Variants in APBA2 observed in about 807,000 individuals in gnomAD.
APBA2 encodes the protein amyloid beta precursor protein binding family A member 2, also known as amyloid-beta A4 precursor protein-binding family A member 2.
In APBA2, 30 loss-of-function variants were observed where a neutral mutation model predicts 75.0. The ratio of observed to expected loss-of-function variants is 0.40; its 90% CI spans 0.30 to 0.54. The LOEUF (loss-of-function observed/expected upper bound fraction) is 0.54. Ranked by LOEUF, APBA2 falls within the 20% of genes least tolerant of loss-of-function variation. The probability of loss-of-function intolerance (pLI) is 0.49; values close to 1 mark genes in which losing one functional copy is unlikely to be tolerated. For synonymous variants in APBA2, 444 were observed against 409.6 expected (o/e 1.08, Z -1.01); for missense variants, 801 against 1,016.1 (o/e 0.79, Z 2.88).
intron 2 of APBA2, among the ~76,000 whole-genome samples, chr15:28,971,095 A>G (rs1344491997): frequency 6.6e-6 from 1 of 152,072 alleles, no homozygotes; most frequent in East Asian, 1.9e-4. Flanking sequence ...TTTTCATTTC[A>G]TTTTATGTCA....
intron 2 of APBA2, among the ~76,000 whole-genome samples, chr15:28,941,207 A>C (rs2035202682): frequency 6.6e-6 from 1 of 152,168 alleles, no homozygotes; most frequent in Non-Finnish European, 1.5e-5. Context: ...CCATGTATAG[A>C]GGATGGAACC....
chr15:29,089,304 GATTGCTTC>G (rs1337052013), intron 6 of APBA2, among the ~76,000 whole-genome samples: 1 of 152,204 alleles, frequency 6.6e-6, no homozygotes, highest in East Asian at 1.9e-4. Flanking sequence ...GGGACCCTGA[GATTGCTTC>G]ATGGCGTGGT....
chr15:29,068,397 C>T (rs1048781513), intron 4 of APBA2, among the ~76,000 whole-genome samples: 1 of 152,220 alleles, frequency 6.6e-6, no homozygotes, highest in African/African-American at 2.4e-5. Flanking sequence ...TTGAACAAAA[C>T]CAAATGGAAT....
intron 3 of APBA2, among the ~76,000 whole-genome samples, chr15:29,011,949 A>G (rs1051832900): frequency 1.3e-5 from 2 of 152,218 alleles, no homozygotes; most frequent in South Asian, 2.1e-4. Context: ...TTGTCTAATT[A>G]CCAATATAGG....
At chr15:29,020,498 T>TA (rs2039896916) in intron 3 of APBA2, among the ~76,000 whole-genome samples, 1 of 151,850 alleles carries the variant, frequency 6.6e-6, no homozygotes, top group Non-Finnish European at 1.5e-5. Flanking sequence ...GTGACTTTTT[T>TA]AAAAAATATA....
At chr15:29,047,893 C>T (rs1008284051) in intron 3 of APBA2, among the ~76,000 whole-genome samples, 18 of 152,014 alleles carry the variant, frequency 1.2e-4, no homozygotes, top group African/African-American at 3.6e-4. Context: ...GAGATCTATT[C>T]GCAACAGCCA....
intron 9 of APBA2, among the ~76,000 whole-genome samples, chr15:29,100,745 C>T (rs1368951526): frequency 5.3e-5 from 8 of 152,190 alleles, no homozygotes; most frequent in Non-Finnish European, 1.2e-4. Context: ...ACTCTTGGGC[C>T]CATAGGAGAG....
At chr15:28,951,881 CTTTTTTTT>C (rs71414600) in intron 2 of APBA2, among the ~76,000 whole-genome samples, 2 of 109,824 alleles carry the variant, frequency 1.8e-5, no homozygotes, top group Non-Finnish European at 3.6e-5. Flanking sequence ...TGCACTCAGC[CTTTTTTTT>C]TTTTTTTTTT....
chr15:29,032,392 C>T (rs182166794), intron 3 of APBA2, among the ~76,000 whole-genome samples: 318 of 152,336 alleles, frequency 2.1e-3, no homozygotes, highest in African/African-American at 7.2e-3. Context: ...AGGGGAAGGT[C>T]GGCCCCCAGA....
At chr15:29,106,225 A>G (rs565077460) in intron 11 of APBA2, among the ~76,000 whole-genome samples, 5 of 152,168 alleles carry the variant, frequency 3.3e-5, no homozygotes, top group Non-Finnish European at 7.3e-5. Flanking sequence ...GGAGCCTGAG[A>G]ACATTCCTCT....
At chr15:29,076,311 C>G (rs150713523) in intron 6 of APBA2, among the ~76,000 whole-genome samples, 1 of 152,110 alleles carries the variant, frequency 6.6e-6, no homozygotes, top group Non-Finnish European at 1.5e-5. Flanking sequence ...GAACAGTAGA[C>G]GATCTCCTTT....
At chr15:28,954,311 GAGA>G (rs1381658515) in intron 2 of APBA2, among the ~76,000 whole-genome samples, 2 of 152,070 alleles carry the variant, frequency 1.3e-5, no homozygotes, top group East Asian at 3.9e-4. Context: ...AAACTTAAAT[GAGA>G]ATGCTCCTCC....
intron 2 of APBA2, among the ~76,000 whole-genome samples, chr15:28,984,940 T>C (rs972139578): frequency 1.7e-4 from 26 of 151,242 alleles, no homozygotes; most frequent in African/African-American, 6.1e-4. Context: ...TCTCTCTCCC[T>C]CTCTCCCCCT....
chr15:29,103,607 C>T (rs995913719), intron 10 of APBA2, among the ~76,000 whole-genome samples: 11 of 152,218 alleles, frequency 7.2e-5, no homozygotes, highest in Non-Finnish European at 2.9e-5. Context: ...GGCGCAGCCC[C>T]GCGGAGCCGG....
At chr15:29,065,395 G>T (rs1424744165) in intron 4 of APBA2, among the ~76,000 whole-genome samples, 1 of 152,198 alleles carries the variant, frequency 6.6e-6, no homozygotes, top group East Asian at 1.9e-4. Flanking sequence ...TGATAGCGTG[G>T]TGATGGCAGA....
chr15:29,035,360 G>A (rs2040693717), intron 3 of APBA2, among the ~76,000 whole-genome samples: 1 of 152,150 alleles, frequency 6.6e-6, no homozygotes, highest in African/African-American at 2.4e-5. Flanking sequence ...AGGGCATTTG[G>A]GTGTGGTTTC....
At chr15:29,112,809 G>T (rs376158007) in intron 13 of APBA2, among the ~76,000 whole-genome samples, 1 of 152,128 alleles carries the variant, frequency 6.6e-6, no homozygotes, top group African/African-American at 2.4e-5. Flanking sequence ...TCTCCTGCAC[G>T]TCTTCCTCCT....
At chr15:29,042,111 C>T (rs59073376) in intron 3 of APBA2, among the ~76,000 whole-genome samples, 27,713 of 152,050 alleles carry the variant, frequency 0.18, 3,040 homozygotes, top group East Asian at 0.45. Flanking sequence ...GGTTTGCTGG[C>T]GATCTTTGAT....
Position 28,920,901 on chromosome 15 carries a change from C to T in APBA2, c.-204-739C>T, listed in dbSNP as rs183319657. Among the ~76,000 whole-genome samples the T allele has an allele frequency of 7.5e-4, 114 of 152,252 alleles. 1 individual carries two copies. Among genetic ancestry groups the T allele is most frequent in the African/African-American group, 2.5e-3 (102 of 41,532 alleles). On this transcript the variant is annotated intron_variant, in intron 1 of 14. Coordinates refer to ENST00000683413, the MANE Select transcript of APBA2 (RefSeq NM_001353788.2). ...CAGGATGTCAGTGGCAGAGCTAGGA[C>T]GTCTATCTCTGCAGCTCAGTTCTGT...
Sources: allele counts gnomAD v4.1 joint callset (sites outside exome capture counted in the v4.1 genomes callset), GRCh38; gene constraint gnomAD v4.1.1; transcripts MANE v1.5; gene names NCBI Gene and HGNC (gene_info 2026-07-23, HGNC 2026-07-21).